RBPMS: variants seen among roughly 807,000 people sequenced by gnomAD.
RBPMS encodes RNA-binding protein with multiple splicing.
RBPMS carries 7 observed loss-of-function variants against 26.8 expected under a neutral mutation model. That is an observed-to-expected ratio of 0.26 (90% confidence interval 0.15 to 0.49). RBPMS has a LOEUF of 0.49. Ranked by LOEUF, RBPMS falls within the 20% of genes least tolerant of loss-of-function variation. The pLI, the probability that RBPMS is intolerant of heterozygous loss-of-function variation, is 0.98. For missense variants in RBPMS, 186 were observed against 250.0 expected, an observed-to-expected ratio of 0.74 and a Z score of 1.73; for synonymous variants, 96 against 93.3, an observed-to-expected ratio of 1.03 and a Z score of -0.17.
At chr8:30,422,350 G>T (rs1221474648) in intron 1 of RBPMS, among the ~76,000 whole-genome samples, 1 of 152,010 alleles carries the variant, frequency 6.6e-6, no homozygotes, top group Non-Finnish European at 1.5e-5. Context: ...CTGACCTCAG[G>T]TGATCCACCC....
intron 1 of RBPMS, among the ~76,000 whole-genome samples, chr8:30,414,451 A>G (rs1300947270): frequency 6.6e-6 from 1 of 152,132 alleles, no homozygotes; most frequent in East Asian, 1.9e-4. Context: ...ATGCTAATGA[A>G]CCCAAGGTCA....
chr8:30,455,609 G>T (rs1009145009), intron 1 of RBPMS, among the ~76,000 whole-genome samples: 16 of 152,162 alleles, frequency 1.1e-4, no homozygotes, highest in African/African-American at 3.9e-4. Context: ...GACAATGCAG[G>T]CCGGGCGTGG....
At chr8:30,547,537 G>T in intron 6 of RBPMS, 1 of 1,457,958 alleles carries the variant, frequency 6.9e-7, no homozygotes, top group Non-Finnish European at 9.1e-7. Flanking sequence ...AGACTGCAGC[G>T]TTTTGTTTTC....
intron 1 of RBPMS, among the ~76,000 whole-genome samples, chr8:30,411,853 G>A (rs907039123): frequency 1.1e-4 from 16 of 151,926 alleles, no homozygotes; most frequent in African/African-American, 4.8e-5. Context: ...GGGCGTTGTG[G>A]TCTGTGCCTG....
chr8:30,461,542 G>A (rs902364277), intron 1 of RBPMS, among the ~76,000 whole-genome samples: 12 of 152,020 alleles, frequency 7.9e-5, no homozygotes, highest in African/African-American at 2.4e-4. Flanking sequence ...CTACAGGCGC[G>A]TGCCACCACG....
chr8:30,491,344 T>C (rs1819364802), intron 4 of RBPMS, among the ~76,000 whole-genome samples: 1 of 152,196 alleles, frequency 6.6e-6, no homozygotes, highest in South Asian at 2.1e-4. Context: ...TAGATCAAGA[T>C]AGTGATTATC....
intron 6 of RBPMS, among the ~76,000 whole-genome samples, chr8:30,549,987 A>G (rs1244942429): frequency 6.6e-6 from 1 of 151,658 alleles, no homozygotes; most frequent in Admixed American, 6.6e-5. Context: ...AGTAGCTGGG[A>G]CTACAGGCGC....
At chr8:30,552,747 C>G (rs1826498109) in intron 6 of RBPMS, 1 of 152,200 alleles carries the variant, frequency 6.6e-6, no homozygotes, top group African/African-American at 2.4e-5. Context: ...GGAAGCAGGG[C>G]TTAGCTTGTG....
chr8:30,385,530 G>C (rs1051206452), intron 1 of RBPMS: 2 of 186,810 alleles, frequency 1.1e-5, no homozygotes, highest in Non-Finnish European at 2.1e-5. Context: ...ATTCAGGGTC[G>C]GGGGGGGAGC....
intron 5 of RBPMS, among the ~76,000 whole-genome samples, chr8:30,506,965 A>C (rs1302397033): frequency 2.0e-5 from 3 of 152,170 alleles, no homozygotes; most frequent in African/African-American, 7.2e-5. Flanking sequence ...CGTTCCGGGG[A>C]GGTGATGGTG....
chr8:30,537,833 T>C (rs528619780), intron 5 of RBPMS: 50 of 320,326 alleles, frequency 1.6e-4, no homozygotes, highest in South Asian at 1.3e-3. Context: ...ACTGTAGTTA[T>C]CTTTGTCATC....
intron 4 of RBPMS, among the ~76,000 whole-genome samples, chr8:30,496,453 C>T (rs1819971202): frequency 6.6e-6 from 1 of 152,144 alleles, no homozygotes; most frequent in African/African-American, 2.4e-5. Flanking sequence ...CAGGCGTGAG[C>T]CACCGTGCCC....
At chr8:30,535,693 G>T (rs1387327941) in intron 5 of RBPMS, among the ~76,000 whole-genome samples, 2 of 152,194 alleles carry the variant, frequency 1.3e-5, no homozygotes, top group Admixed American at 1.3e-4. Context: ...CTCTGTAGTA[G>T]CTGGGATTAC....
rs58763494 is a variant in RBPMS at position 30,518,687 on chromosome 8, CTTTTTTTTTTTTTTTTTTTTTT to C, written c.397+14258_397+14279del. Among the ~76,000 whole-genome samples the C allele has an allele frequency of 4.4e-4, 8 of 18,244 alleles. No homozygotes were observed. In the Admixed American group the frequency reaches 5.4e-3, roughly 12 times the overall value. 12.0% of individuals were successfully genotyped at this position (18,244 alleles called of 152,430 possible). ...CAGTGATCCGCCCGGCCAAGCATGA[CTTTTTTTTTTTTTTTTTTTTTT>C]TTTTTTCTGAAAAGGAGTATGATTT... On this transcript the variant is annotated intron_variant, in intron 5 of 8. Transcript: ENST00000397323.
In RBPMS at chr8:30,571,356, A is replaced by T. The variant is rs1319525654; in HGVS notation, c.*831A>T. On this transcript the variant is annotated 3_prime_UTR_variant, in exon 9 of 9. Coordinates refer to ENST00000397323, the MANE Select transcript of RBPMS (RefSeq NM_001008710.3). ...TGACTTTGTACAGTTTTATGTTTCC[A>T]CTCTCCTGTATGTGTAGCCACTCGA... 1 of 151,914 alleles carries T rather than the reference A, an allele frequency of 6.6e-6. No homozygotes were observed. Among genetic ancestry groups the T allele is most frequent in the African/African-American group, 2.4e-5 (1 of 41,334 alleles). 9.4% of individuals were successfully genotyped at this position (151,914 alleles called of 1,614,324 possible).
chr8:30,547,567 G>A, intron 6 of RBPMS: 1 of 1,247,438 alleles, frequency 8.0e-7, no homozygotes, highest in Non-Finnish European at 1.1e-6. Flanking sequence ...CAATTTTGGA[G>A]CAAAGGTGTT....
intron 1 of RBPMS, among the ~76,000 whole-genome samples, chr8:30,429,891 G>A (rs1415115605): frequency 6.6e-6 from 1 of 152,172 alleles, no homozygotes; most frequent in Admixed American, 6.5e-5. Context: ...AAAATTAGAT[G>A]CCCAAGCCCT....
chr8:30,480,806 C>G (rs1408829654), intron 4 of RBPMS, among the ~76,000 whole-genome samples: 1 of 152,174 alleles, frequency 6.6e-6, no homozygotes, highest in Non-Finnish European at 1.5e-5. Context: ...AAAGTAGAAC[C>G]ACAATTTCAA....
intron 4 of RBPMS, among the ~76,000 whole-genome samples, chr8:30,496,889 A>G (rs1024105811): frequency 6.6e-6 from 1 of 152,216 alleles, no homozygotes; most frequent in Non-Finnish European, 1.5e-5. Flanking sequence ...ACTGAGCGTA[A>G]CAATTGTTTT....
Sources: gnomAD v4.1 joint callset for allele counts (sites outside exome capture counted in the v4.1 genomes callset) on GRCh38, gnomAD v4.1.1 for gene constraint, MANE v1.5 for transcripts, NCBI Gene and HGNC (gene_info 2026-07-23, HGNC 2026-07-21) for gene names.